The following PARP6 variants were observed in gnomAD, a reference collection of about 807,000 sequenced individuals.
PARP6 encodes poly(ADP-ribose) polymerase family member 6.
A neutral mutation model predicts 92.0 loss-of-function variants in PARP6; 27 were observed. That is an observed-to-expected ratio of 0.29 (90% CI 0.22 to 0.40). The LOEUF (loss-of-function observed/expected upper bound fraction) is 0.40. Ranked by LOEUF, PARP6 falls within the 10% of genes least tolerant of loss-of-function variation. The pLI is 1.00. For synonymous variants in PARP6, 272 were observed against 281.2 expected (o/e 0.97, Z 0.33); for missense variants, 501 against 784.5 (o/e 0.64, Z 4.32).
At chr15:72,251,917 T>C (rs72733364) in intron 16 of PARP6, among the ~76,000 whole-genome samples, 7,708 of 152,320 alleles carry the variant, frequency 0.051, 301 homozygotes, top group Non-Finnish European at 0.071. Context: ...CAGTTTGCTG[T>C]TGTCTTTGTT....
rs79167437 is a variant in PARP6, at chr15:72,262,967, T to C, written c.396-1260A>G. Among the ~76,000 whole-genome samples the C allele has an allele frequency of 2.1e-3, 320 of 152,354 alleles. 8 individuals are homozygous for C. In the East Asian group the frequency reaches 0.056, roughly 27 times the overall value. On this transcript the variant is annotated intron_variant, in intron 8 of 23. Coordinates refer to ENST00000569795, the MANE Select transcript of PARP6 (RefSeq NM_001323532.2). ...GACTGTAACTTCTTCCCACACACAT[T>C]GATGCATATCTTCAACCCTAACCTC...
At chr15:72,253,770 G>C (rs1402533861) in intron 15 of PARP6, 1 of 618,328 alleles carries the variant, frequency 1.6e-6, no homozygotes, top group Admixed American at 2.1e-5. Flanking sequence ...GCCCTAAAAA[G>C]TTGATTATAA....
At chr15:72,257,205 CCATT>C (rs199639784) in intron 13 of PARP6, 139 bp downstream of exon 13, 6,608 of 629,828 alleles carry the variant, frequency 0.01, 75 homozygotes, top group Non-Finnish European at 0.013. Context: ...GGGGTTGTAT[CCATT>C]TTTTATTTTA....
intron 20 of PARP6, among the ~76,000 whole-genome samples, chr15:72,247,611 T>G (rs1007521316): frequency 1.3e-4 from 20 of 152,234 alleles, no homozygotes; most frequent in Non-Finnish European, 1.2e-4. Flanking sequence ...TAAAACCATC[T>G]GGGCTTGGTG....
rs2086646630 is a variant in PARP6, at chr15:72,266,735, G to A, written c.81+10C>T. The A allele has an allele frequency of 6.2e-7, 1 of 1,606,652 alleles. No individual in the cohort carries two copies. The highest frequency in any genetic ancestry group is 1.3e-5 in the African/African-American group (1 of 74,776). ...ATCCAACACGGGGGTCTTGGGAGAT[G>A]TAACCTCACCTGAACGCCATAGAGA... On this transcript the variant is annotated intron_variant, in intron 4 of 23. Transcript: ENST00000569795.
rs878955691 is a variant in PARP6, at chr15:72,257,417, T to C, written c.930A>G (p.Leu310=). 6.2e-7 allele frequency: 1 copy of C among 1,613,924 alleles called. No homozygotes were observed. Among genetic ancestry groups the C allele is most frequent in the Non-Finnish European group, 8.5e-7 (1 of 1,179,926 alleles). ...MLKPAVCTRE[L]CVFSFYTLGV... is the part of the protein sequence containing the mutation. ...CCAGTGTGTAGAAGGAGAAAACGCA[T>C]AGTTCACGAGTACAGACAGCTGGCT... Residue 310 remains leucine, a synonymous_variant, in exon 13 of 24, where the codon CTA becomes CTG. Coordinates refer to ENST00000569795, the MANE Select transcript of PARP6 (RefSeq NM_001323532.2).
At chr15:72,269,886 C>T (rs1361246026) in intron 2 of PARP6, among the ~76,000 whole-genome samples, 1 of 88,504 alleles carries the variant, frequency 1.1e-5, no homozygotes, top group Non-Finnish European at 2.1e-5. Flanking sequence ...GGGGCAACAG[C>T]AAAACTCTGT....
intron 2 of PARP6, among the ~76,000 whole-genome samples, chr15:72,269,349 C>CG (rs1217608769): frequency 2.0e-5 from 3 of 151,892 alleles, no homozygotes; most frequent in African/African-American, 7.3e-5. Context: ...TTAGTAGAGA[C>CG]GGGGTTTCAC....
At chr15:72,263,473 C>A (rs1437634644) in intron 8 of PARP6, among the ~76,000 whole-genome samples, 1 of 152,170 alleles carries the variant, frequency 6.6e-6, no homozygotes, top group East Asian at 1.9e-4. Context: ...AAAAATAAAT[C>A]TGACCACGTC....
rs769669071 is a variant in PARP6 at position 72,241,887 on chromosome 15, C to T, written c.1790+14G>A. On this transcript the variant is annotated intron_variant, in intron 23 of 23. Transcript: ENST00000569795. This position sits in a 1 kb window ranked among gnomAD's most constrained non-coding sequence, Gnocchi z 4.1. ...CACTCCTCGAGTAATCCCCAGAGTC[C>T]CTCCGACACTTACACAAAGAAGAAT... is the stretch of plus-strand genomic sequence containing the variant. 10 of 1,589,928 alleles carry T rather than the reference C, an allele frequency of 6.3e-6. No individual in the cohort carries two copies. The Admixed American group carries it at 1.7e-4, about 27-fold the overall frequency.
At position 72,242,596 on chromosome 15, in the gene PARP6, G is replaced by A; in HGVS notation, c.1641+24C>T. 6.7e-7 allele frequency: 1 copy of A among 1,499,482 alleles called. No individual in the cohort carries two copies. Among genetic ancestry groups the A allele is most frequent in the Non-Finnish European group, 9.3e-7 (1 of 1,075,456 alleles). 92.9% of individuals were successfully genotyped at this position (1,499,482 alleles called of 1,614,324 possible). ...TAAATTAGCCCCAGGGAAAGGTCCT[G>A]CCTCATTAGAATAGTTCCAATACCT... On this transcript the variant is annotated intron_variant, in intron 21 of 23. Coordinates refer to ENST00000569795, the MANE Select transcript of PARP6 (RefSeq NM_001323532.2). This position sits in a 1 kb window ranked among gnomAD's most constrained non-coding sequence, Gnocchi z 4.3.
chr15:72,264,618 G>A lies in PARP6; in HGVS notation c.332C>T (p.Pro111Leu). ...TGATGGCTGGAAAACCTCAATGGAT[G>A]GTTCTGCAAAGAGAAGAGAAGGCTA... ...SLSQYLDGPE[P>L]SIEVFQPSNK... The change falls in exon 8 of 24, where the codon CCA becomes CTA. Residue 111 changes from proline (P) to leucine (L), a missense_variant. Transcript: ENST00000569795. 1 of 1,613,502 alleles carries A rather than the reference G, an allele frequency of 6.2e-7. No homozygotes were observed. The highest frequency in any genetic ancestry group is 8.5e-7 in the Non-Finnish European group (1 of 1,179,546).
At chr15:72,255,523 G>T (rs935371340) in intron 14 of PARP6, among the ~76,000 whole-genome samples, 4 of 152,036 alleles carry the variant, frequency 2.6e-5, no homozygotes, top group African/African-American at 9.7e-5. Context: ...CTCCCGAAGT[G>T]CTAGGATTAC....
chr15:72,250,828 G>GC lies in PARP6; in HGVS notation c.1418+16dup. ...GCCCCCTCACCACCCCCACTGCCCA[G>GC]CCCCCAGCCTCCTCACTGGAAGGCA... On this transcript the variant is annotated intron_variant, in intron 18 of 23. Transcript: ENST00000569795. 1.1e-6 allele frequency: 1 copy of GC among 888,576 alleles called. No individual in the cohort carries two copies. Among genetic ancestry groups the GC allele is most frequent in the Non-Finnish European group, 1.8e-6 (1 of 566,138 alleles). 55.0% of individuals were successfully genotyped at this position (888,576 alleles called of 1,614,324 possible).
rs1045442053 is a variant in PARP6, at chr15:72,253,585, A to C, written c.1192-81T>G. 40 of 1,189,848 alleles carry C rather than the reference A, an allele frequency of 3.4e-5. 1 individual carries two copies. The highest frequency in any genetic ancestry group is 4.8e-5 in the Non-Finnish European group (39 of 812,128). The allele number at this position is 1,189,848 out of a possible 1,614,324, so 73.7% of individuals were successfully genotyped here. A position where few individuals can be genotyped will look rare whatever the true frequency, so the allele number is the denominator to read the frequency against. On this transcript the variant is annotated intron_variant, in intron 15 of 23. Coordinates refer to ENST00000569795, the MANE Select transcript of PARP6 (RefSeq NM_001323532.2). Reference sequence around the variant, plus strand: ...TTCTGCTTTTCACAGAGTGACTATTAGGGTCCAGGGCAAGGTAGGCACCAA... The same window carrying C: ...TTCTGCTTTTCACAGAGTGACTATTCGGGTCCAGGGCAAGGTAGGCACCAA...
Position 72,251,193 on chromosome 15 carries a change from G to A in PARP6, c.1308+14C>T. On this transcript the variant is annotated intron_variant, in intron 17 of 23. Transcript: ENST00000569795. The stretch of plus-strand genomic sequence containing the variant: ...CAGAAATTTAAAGCATTTAGAGGGA[G>A]AATGGTCACTTACCCTGCTGAGAGG... The A allele has an allele frequency of 6.4e-7, 1 of 1,556,620 alleles. No homozygotes were observed. Among genetic ancestry groups the A allele is most frequent in the Non-Finnish European group, 8.9e-7 (1 of 1,127,478 alleles).
chr15:72,265,032 G>C (rs2086394140), intron 7 of PARP6, 49 bp downstream of exon 7: 2 of 1,245,184 alleles, frequency 1.6e-6, no homozygotes, highest in African/African-American at 3.0e-5. Context: ...TAGGGCTTTG[G>C]ATTAGACCAC....
At chr15:72,253,393 C>T (rs770804309) in intron 16 of PARP6, 44 bp downstream of exon 16, 3 of 1,478,510 alleles carry the variant, frequency 2.0e-6, no homozygotes, top group Non-Finnish European at 2.8e-6. Context: ...CAATAACTCC[C>T]TCCCTCCCCA....
At chr15:72,263,164 G>A (rs563487083) in intron 8 of PARP6, among the ~76,000 whole-genome samples, 1 of 152,126 alleles carries the variant, frequency 6.6e-6, no homozygotes, top group South Asian at 2.1e-4. Flanking sequence ...TATTTACATT[G>A]GTGGTATCAC....
Sources: allele counts gnomAD v4.1 joint callset (sites outside exome capture counted in the v4.1 genomes callset), GRCh38; gene constraint gnomAD v4.1.1; non-coding constraint Gnocchi (gnomAD v3.1); transcripts MANE v1.5; gene names NCBI Gene and HGNC (gene_info 2026-07-23, HGNC 2026-07-21).